SHISA9: variants seen among roughly 807,000 people sequenced by gnomAD.
SHISA9 encodes the protein shisa family member 9, also known as protein shisa-9.
A neutral mutation model predicts 38.0 loss-of-function variants in SHISA9; 13 were observed. The observed-to-expected ratio is 0.34, with a 90% CI of 0.22 to 0.54. The LOEUF (loss-of-function observed/expected upper bound fraction) is 0.54, where lower values mean the gene tolerates loss of function less well. SHISA9 is among the 20% of genes least tolerant of loss of function. The pLI, the probability that SHISA9 is intolerant of heterozygous loss-of-function variation, is 0.91. For missense variants in SHISA9, 538 were observed against 575.8 expected, an observed-to-expected ratio of 0.93 and a Z score of 0.67; for synonymous variants, 275 against 242.0, an observed-to-expected ratio of 1.14 and a Z score of -1.27.
chr16:13,307,717 G>T, the SHISA9 span, among the ~76,000 whole-genome samples: 1 of 152,076 alleles, frequency 6.6e-6, no homozygotes, highest in African/African-American at 2.4e-5. Context: ...CTCCTTATAG[G>T]AATCAATAAG....
the SHISA9 span, among the ~76,000 whole-genome samples, chr16:13,402,296 T>G: frequency 6.6e-6 from 1 of 151,912 alleles, no homozygotes; most frequent in South Asian, 2.1e-4. Flanking sequence ...CAATGGTAAA[T>G]TTCCCTGTCT....
intron 2 of SHISA9, among the ~76,000 whole-genome samples, chr16:13,122,312 G>A (rs989626161): frequency 7.9e-5 from 12 of 152,082 alleles, no homozygotes; most frequent in East Asian, 1.9e-4. Context: ...TTTAGGACAC[G>A]GCCACTTCTT....
At chr16:13,286,079 C>T in the SHISA9 span, among the ~76,000 whole-genome samples, 2 of 152,256 alleles carry the variant, frequency 1.3e-5, no homozygotes, top group Admixed American at 1.3e-4. Context: ...TAATCAGAAA[C>T]TCAAGACAAT....
intron 2 of SHISA9, among the ~76,000 whole-genome samples, chr16:13,156,728 C>T (rs1013140202): frequency 6.7e-5 from 6 of 89,392 alleles, no homozygotes; most frequent in South Asian, 4.1e-4. Context: ...AGTGAGACTC[C>T]GTCTCAAAAA....
At chr16:13,382,585 G>C in the SHISA9 span, among the ~76,000 whole-genome samples, 1 of 149,488 alleles carries the variant, frequency 6.7e-6, no homozygotes, top group Non-Finnish European at 1.5e-5. Flanking sequence ...GGTGGCTTTC[G>C]TCTGTAATCC....
At chr16:13,467,737 T>C in the SHISA9 span, among the ~76,000 whole-genome samples, 197 of 152,322 alleles carry the variant, frequency 1.3e-3, no homozygotes, top group African/African-American at 4.4e-3. Flanking sequence ...AGCAAGATGT[T>C]GAGCTTGCCT....
intron 2 of SHISA9, among the ~76,000 whole-genome samples, chr16:12,958,648 A>G (rs2071867714): frequency 6.6e-6 from 1 of 152,234 alleles, no homozygotes; most frequent in Non-Finnish European, 1.5e-5. Context: ...TATATTTGCA[A>G]TAGGCTTTTA....
chr16:13,303,546 C>G, the SHISA9 span, among the ~76,000 whole-genome samples: 2 of 152,000 alleles, frequency 1.3e-5, no homozygotes, highest in Non-Finnish European at 2.9e-5. Flanking sequence ...AATAGGTAAA[C>G]CTATAGAGAT....
At chr16:13,243,216 G>A (rs924834658), downstream of SHISA9, among the ~76,000 whole-genome samples, 40 of 151,666 alleles carry the variant, frequency 2.6e-4, no homozygotes, top group Non-Finnish European at 4.1e-4. Flanking sequence ...CTCCAACCCT[G>A]GGTGACAGTG....
chr16:13,203,908 C>T (rs371704994), intron 3 of SHISA9, among the ~76,000 whole-genome samples: 7 of 151,602 alleles, frequency 4.6e-5, no homozygotes, highest in African/African-American at 1.7e-4. Context: ...CACTTATCTG[C>T]CTATCTATTA....
chr16:13,249,588 C>T, the SHISA9 span, among the ~76,000 whole-genome samples: 1 of 152,158 alleles, frequency 6.6e-6, no homozygotes, highest in Non-Finnish European at 1.5e-5. Context: ...GAGGCAGACA[C>T]ATAAATTACA....
At chr16:13,327,836 T>C in the SHISA9 span, among the ~76,000 whole-genome samples, 1 of 151,820 alleles carries the variant, frequency 6.6e-6, no homozygotes, top group Non-Finnish European at 1.5e-5. Flanking sequence ...TTTGTATTTT[T>C]TTAGTAGAGA....
chr16:13,168,330 T>A (rs1384449912), intron 2 of SHISA9, among the ~76,000 whole-genome samples: 2 of 152,312 alleles, frequency 1.3e-5, no homozygotes, highest in Non-Finnish European at 2.9e-5. Context: ...AAAACATTCT[T>A]ACCTACACAA....
chr16:13,034,723 A>C (rs943224199), intron 2 of SHISA9, among the ~76,000 whole-genome samples: 1 of 152,212 alleles, frequency 6.6e-6, no homozygotes, highest in Admixed American at 6.5e-5. Flanking sequence ...AGGAGTGACT[A>C]TGTGCCAATT....
At position 13,239,126 on chromosome 16, in the gene SHISA9, G is replaced by T. The variant is rs1192692278; in HGVS notation, c.*3717G>T. The stretch of plus-strand genomic sequence containing the variant: ...CTTGCGATAGTTTACTGAGAATGAT[G>T]ATTTCCAATTTCATCCATGTCCCTA... On this transcript the variant is annotated 3_prime_UTR_variant, in exon 5 of 5. Coordinates refer to ENST00000558583, the MANE Select transcript of SHISA9 (RefSeq NM_001145204.3). 1.3e-5 allele frequency: 2 copies of T among 151,088 alleles called. No homozygotes were observed. Among genetic ancestry groups the T allele is most frequent in the African/African-American group, 4.9e-5 (2 of 41,066 alleles). The allele number at this position is 151,088 out of a possible 1,614,324, so 9.4% of individuals were successfully genotyped here. A position where few individuals can be genotyped will look rare whatever the true frequency, so the allele number is the denominator to read the frequency against.
intron 2 of SHISA9, among the ~76,000 whole-genome samples, chr16:13,154,338 T>C (rs1336681034): frequency 6.6e-6 from 1 of 152,222 alleles, no homozygotes; most frequent in Non-Finnish European, 1.5e-5. Flanking sequence ...GTGTGGTTTC[T>C]GTTCTCTGAC....
At chr16:13,221,058 C>T (rs1363161682) in intron 4 of SHISA9, among the ~76,000 whole-genome samples, 1 of 152,074 alleles carries the variant, frequency 6.6e-6, no homozygotes, top group Non-Finnish European at 1.5e-5. Context: ...CACAGTACCA[C>T]CGCCTGTTGG....
intron 1 of SHISA9, among the ~76,000 whole-genome samples, chr16:12,916,406 T>G (rs1040014923): frequency 3.3e-5 from 5 of 152,212 alleles, no homozygotes; most frequent in Non-Finnish European, 5.9e-5. Context: ...ACATTATATG[T>G]ATTCATCATT....
chr16:13,411,638 A>C, the SHISA9 span, among the ~76,000 whole-genome samples: 4 of 152,254 alleles, frequency 2.6e-5, no homozygotes, highest in Non-Finnish European at 4.4e-5. Flanking sequence ...ATGCCTTGGC[A>C]GTATCTCTGA....
Sources: gnomAD v4.1 joint callset for allele counts (sites outside exome capture counted in the v4.1 genomes callset) on GRCh38, gnomAD v4.1.1 for gene constraint, MANE v1.5 for transcripts, NCBI Gene and HGNC (gene_info 2026-07-23, HGNC 2026-07-21) for gene names.